The following ENC1 variants were observed in gnomAD, a reference collection of about 807,000 sequenced individuals.
ENC1 encodes the protein ectoderm-neural cortex protein 1.
In ENC1, 19 loss-of-function variants were observed where a neutral mutation model predicts 40.9. That is an observed-to-expected ratio of 0.46 (90% CI 0.32 to 0.68). The LOEUF (loss-of-function observed/expected upper bound fraction) is 0.68, where lower values mean the gene tolerates loss of function less well. ENC1 is among the 30% of genes least tolerant of loss of function. ENC1 has a pLI of 0.03. For synonymous variants in ENC1, 285 were observed against 291.1 expected (o/e 0.98, Z 0.21); for missense variants, 479 against 737.5 (o/e 0.65, Z 4.06).
In ENC1 at chr5:74,628,973, C is replaced by A. The variant is rs1033009947; in HGVS notation, c.*1052G>T. ...CCTTTCCAAATTTCAGCAGCTGAGA[C>A]TGAATTAAGTAAATCAGATGGGAGT... On this transcript the variant is annotated 3_prime_UTR_variant, in exon 3 of 3. Coordinates refer to ENST00000302351, the MANE Select transcript of ENC1 (RefSeq NM_003633.4). The A allele has an allele frequency of 6.6e-6, 1 of 152,100 alleles. No individual in the cohort carries two copies. Among genetic ancestry groups the A allele is most frequent in the African/African-American group, 2.4e-5 (1 of 41,396 alleles). 9.4% of individuals were successfully genotyped at this position (152,100 alleles called of 1,614,324 possible).
chr5:74,630,228 G>C (rs1378536793), intron 2 of ENC1, among the ~76,000 whole-genome samples: 1 of 152,150 alleles, frequency 6.6e-6, no homozygotes, highest in Non-Finnish European at 1.5e-5. Flanking sequence ...CCATGCAGAT[G>C]GCTGGCCTGA....
rs1355767222 is a variant in ENC1 at position 74,640,480 on chromosome 5, G to A, written c.-187C>T. 3 of 152,300 alleles carry A rather than the reference G, an allele frequency of 2.0e-5. No individual in the cohort carries two copies. The highest frequency in any genetic ancestry group is 4.4e-5 in the Non-Finnish European group (3 of 68,106). 9.4% of individuals were successfully genotyped at this position (152,300 alleles called of 1,614,324 possible). ...GATGGCTCGCGGACCGGCTACCGATGGCGTTCGCCTCCGTCTGTCGTCCCC... is the reference window on the plus strand; with the variant it reads ...GATGGCTCGCGGACCGGCTACCGATAGCGTTCGCCTCCGTCTGTCGTCCCC... On this transcript the variant is annotated 5_prime_UTR_variant, in exon 1 of 3. Coordinates refer to ENST00000302351, the MANE Select transcript of ENC1 (RefSeq NM_003633.4).
rs300259 is a variant in ENC1, at chr5:74,628,234, C to T, written c.*1791G>A. The T allele has an allele frequency of 0.035, 5,266 of 152,594 alleles. 106 individuals are homozygous for T. Among genetic ancestry groups the T allele is most frequent in the Non-Finnish European group, 0.044 (3,026 of 68,018 alleles). The allele number at this position is 152,594 out of a possible 1,614,324, so 9.5% of individuals were successfully genotyped here. The stretch of plus-strand genomic sequence containing the variant: ...ACAGCCCACTCATTCATGGCATGGA[C>T]GGACAAACACAATTAGTCTAAAGTA... On this transcript the variant is annotated 3_prime_UTR_variant, in exon 3 of 3. Coordinates refer to ENST00000302351, the MANE Select transcript of ENC1 (RefSeq NM_003633.4).
At chr5:74,630,808 C>T (rs915185695) in intron 2 of ENC1, among the ~76,000 whole-genome samples, 47 of 152,304 alleles carry the variant, frequency 3.1e-4, no homozygotes, top group African/African-American at 1.0e-3. Flanking sequence ...GGAAATTGTG[C>T]AGAGGGCTTT....
Position 74,629,950 on chromosome 5 carries a change from C to T in ENC1, c.*75G>A, listed in dbSNP as rs1400401454. 3 of 150,784 alleles carry T rather than the reference C, an allele frequency of 2.0e-5. No individual in the cohort carries two copies. Among genetic ancestry groups the T allele is most frequent in the African/African-American group, 7.3e-5 (3 of 40,960 alleles). 9.3% of individuals were successfully genotyped at this position (150,784 alleles called of 1,614,324 possible). A position where few individuals can be genotyped will look rare whatever the true frequency, so the allele number is the denominator to read the frequency against. On this transcript the variant is annotated 3_prime_UTR_variant, in exon 3 of 3. Coordinates refer to ENST00000302351, the MANE Select transcript of ENC1 (RefSeq NM_003633.4). ...TTCTCTTCATTAGACTTGGCCTCTC[C>T]GAAGTAGAAATCTCATATTATCTCA...
intron 1 of ENC1, among the ~76,000 whole-genome samples, chr5:74,638,108 G>A (rs1747672511): frequency 6.6e-6 from 1 of 152,230 alleles, no homozygotes; most frequent in Non-Finnish European, 1.5e-5. Context: ...GGTAAACTGT[G>A]TGGCTGGTTG....
rs536709495 is a variant in ENC1 at position 74,628,164 on chromosome 5, A to C, written c.*1861T>G. On this transcript the variant is annotated 3_prime_UTR_variant, in exon 3 of 3. Coordinates refer to ENST00000302351, the MANE Select transcript of ENC1 (RefSeq NM_003633.4). ...AACCAGGGACTGACTGCTGGAAAGT[A>C]CTGTGATTCTTTTCTTCCAACAGCT... 1.3e-5 allele frequency: 2 copies of C among 152,658 alleles called. No individual in the cohort carries two copies. The highest frequency in any genetic ancestry group is 4.8e-5 in the African/African-American group (2 of 41,450). The allele number at this position is 152,658 out of a possible 1,614,324, so 9.5% of individuals were successfully genotyped here.
rs765338534 is a variant in ENC1, at chr5:74,635,106, G to A, written c.1380C>T (p.Pro460=). 3 of 1,614,200 alleles carry A rather than the reference G, an allele frequency of 1.9e-6. No individual in the cohort carries two copies. The highest frequency in any genetic ancestry group is 1.3e-5 in the African/African-American group (1 of 75,048). The change falls in exon 2 of 3, where the codon CCC becomes CCT. Residue 460 remains proline, a synonymous_variant. Transcript: ENST00000302351. The surrounding 1 kb of genome is among the most constrained non-coding windows in gnomAD (Gnocchi z 5.5). ...GGTSVSHDKL[P]KVQCYDQCEN... ...CACACTGATCGTAACACTGAACTTT[G>A]GGGAGCTTGTCATGACTGACACTGG...
chr5:74,634,050 A>G (rs1011169125), intron 2 of ENC1, among the ~76,000 whole-genome samples: 1 of 152,150 alleles, frequency 6.6e-6, no homozygotes, highest in Non-Finnish European at 1.5e-5. Flanking sequence ...GAAACTTTTT[A>G]AAAATACTGA....
rs944854787 is a variant in ENC1 at position 74,629,119 on chromosome 5, T to C, written c.*906A>G. The C allele has an allele frequency of 1.3e-5, 2 of 152,194 alleles. No individual in the cohort carries two copies. Among genetic ancestry groups the C allele is most frequent in the Admixed American group, 1.3e-4 (2 of 15,278 alleles). The allele number at this position is 152,194 out of a possible 1,614,324, so 9.4% of individuals were successfully genotyped here. ...CTCCACGGTTTCTCTACCTCTAGGA[T>C]GTCATTTAAATTTCCATTTTGTCAT... On this transcript the variant is annotated 3_prime_UTR_variant, in exon 3 of 3. Coordinates refer to ENST00000302351, the MANE Select transcript of ENC1 (RefSeq NM_003633.4).
intron 1 of ENC1, among the ~76,000 whole-genome samples, chr5:74,639,246 A>C (rs115912312): frequency 0.022 from 3,344 of 152,378 alleles, 129 homozygotes; most frequent in African/African-American, 0.077. Context: ...ATATCAGCAG[A>C]AACCATGTAT....
At position 74,636,408 on chromosome 5, in the gene ENC1, G is replaced by A; in HGVS notation, c.78C>T (p.Ser26=). ...GSINIYLFHK[S]SYADSVLTHL... is the part of the protein sequence containing the mutation. ...GAGTGAGGACGCTGTCAGCGTAGGA[G>A]GACTTGTGAAACAGATAGATGTTAA... The change falls in exon 2 of 3, where the codon TCC becomes TCT. Residue 26 remains serine (S), a synonymous_variant. Coordinates refer to ENST00000302351, the MANE Select transcript of ENC1 (RefSeq NM_003633.4). The surrounding 1 kb of genome is among the most constrained non-coding windows in gnomAD (Gnocchi z 4.8). The A allele has an allele frequency of 1.2e-6, 2 of 1,614,102 alleles. No individual in the cohort carries two copies. The highest frequency in any genetic ancestry group is 1.7e-6 in the Non-Finnish European group (2 of 1,180,006).
chr5:74,634,808 GA>G lies in ENC1; in HGVS notation c.1677del (p.Pro560GlnfsTer3). The G allele has an allele frequency of 6.2e-7, 1 of 1,614,058 alleles. No individual in the cohort carries two copies. Among genetic ancestry groups the G allele is most frequent in the Non-Finnish European group, 8.5e-7 (1 of 1,179,912 alleles). Reference protein sequence around the residue: ...IQRCKTLDCYDPTLDVWNSIT... With the variant: ...IQRCKTLDCYXPTLDVWNSIT... ...ATGCTGTTCCACACGTCTAATGTTG[GA>G]TCGTAGCAGTCCAAAGTCTTGCATC... On this transcript the variant is annotated frameshift_variant, in exon 2 of 3. Coordinates refer to ENST00000302351, the MANE Select transcript of ENC1 (RefSeq NM_003633.4). LOFTEE classifies it high-confidence loss of function.
At chr5:74,631,790 T>C (rs926209836) in intron 2 of ENC1, among the ~76,000 whole-genome samples, 1 of 152,228 alleles carries the variant, frequency 6.6e-6, no homozygotes, top group African/African-American at 2.4e-5. Flanking sequence ...TTTGCCAACA[T>C]GTTCACTCTG....
intron 2 of ENC1, among the ~76,000 whole-genome samples, chr5:74,633,903 T>A (rs1243202789): frequency 6.6e-6 from 1 of 152,170 alleles, no homozygotes; most frequent in African/African-American, 2.4e-5. Context: ...ACGGGGTTGT[T>A]GTGAGGATAG....
Position 74,634,882 on chromosome 5 carries a change from G to A in ENC1, c.1604C>T (p.Ala535Val). The A allele has an allele frequency of 6.2e-7, 1 of 1,614,192 alleles. No homozygotes were observed. Among genetic ancestry groups the A allele is most frequent in the Non-Finnish European group, 8.5e-7 (1 of 1,180,020 alleles). ...AACCACGTAGAGTTTGTTTCCAGAGGCCACAGCATGGCAGCTCATGCGCTT... is the reference window on the plus strand; with the variant it reads ...AACCACGTAGAGTTTGTTTCCAGAGACCACAGCATGGCAGCTCATGCGCTT... Reference protein sequence around the residue: ...TAKRMSCHAVASGNKLYVVGG... With the variant: ...TAKRMSCHAVVSGNKLYVVGG... The change falls in exon 2 of 3, where the codon GCC becomes GTC. Residue 535 changes from alanine to valine, a missense_variant. Coordinates refer to ENST00000302351, the MANE Select transcript of ENC1 (RefSeq NM_003633.4).
At chr5:74,639,774 T>C (rs1747768676) in intron 1 of ENC1, among the ~76,000 whole-genome samples, 1 of 152,226 alleles carries the variant, frequency 6.6e-6, no homozygotes, top group Admixed American at 6.5e-5. Context: ...CTAATAATGT[T>C]AACACGACAG....
At position 74,635,526 on chromosome 5, in the gene ENC1, G is replaced by T. The variant is rs762531664; in HGVS notation, c.960C>A (p.Ile320=). ...GGCTGGGAATGTCAGCCTTGGGAAT[G>T]ATTTCTTTGGCCTTCTGGTCTACCA... The part of the protein sequence containing the change: ...LYLVDQKAKE[I]IPKADIPSPR... The change falls in exon 2 of 3, where the codon ATC becomes ATA. Residue 320 remains isoleucine (I), a synonymous_variant. Coordinates refer to ENST00000302351, the MANE Select transcript of ENC1 (RefSeq NM_003633.4). The surrounding 1 kb of genome is among the most constrained non-coding windows in gnomAD (Gnocchi z 5.5). The T allele has an allele frequency of 1.9e-6, 3 of 1,614,212 alleles. No individual in the cohort carries two copies. The highest frequency in any genetic ancestry group is 2.5e-6 in the Non-Finnish European group (3 of 1,180,036).
At chr5:74,634,057 C>T (rs1197199938) in intron 2 of ENC1, among the ~76,000 whole-genome samples, 1 of 152,118 alleles carries the variant, frequency 6.6e-6, no homozygotes, top group African/African-American at 2.4e-5. Flanking sequence ...TTTAAAAATA[C>T]TGATGCTTGG....
Sources: allele counts gnomAD v4.1 joint callset (sites outside exome capture counted in the v4.1 genomes callset), GRCh38; gene constraint gnomAD v4.1.1; non-coding constraint Gnocchi (gnomAD v3.1); transcripts MANE v1.5; gene names NCBI Gene and HGNC (gene_info 2026-07-23, HGNC 2026-07-21).